SGPP2: variants seen among roughly 807,000 people sequenced by gnomAD.
SGPP2 encodes the protein sphingosine-1-phosphate phosphatase 2, also known as sphingosine 1-phosphate phosphohydrolase 2.
In SGPP2, 30 loss-of-function variants were observed where a neutral mutation model predicts 33.9. The ratio of observed to expected loss-of-function variants is 0.89; its 90% CI spans 0.66 to 1.20. SGPP2 has a LOEUF of 1.20. SGPP2 is among the 50% of genes most tolerant of loss of function. The pLI, the probability that SGPP2 is intolerant of heterozygous loss-of-function variation, is 0.00. For synonymous variants in SGPP2, 233 were observed against 225.0 expected (o/e 1.04, Z -0.32); for missense variants, 458 against 532.1 (o/e 0.86, Z 1.37).
chr2:222,436,315 C>T (rs1337714877), intron 1 of SGPP2, among the ~76,000 whole-genome samples: 3 of 152,142 alleles, frequency 2.0e-5, no homozygotes, highest in Admixed American at 1.3e-4. Flanking sequence ...GCTAGTGAAT[C>T]CCTAGGGGTG....
At position 222,453,173 on chromosome 2, in the gene SGPP2, A is replaced by G. The variant is rs56283015; in HGVS notation, c.220-21395A>G. 675 of 782,498 alleles carry G rather than the reference A, an allele frequency of 8.6e-4. 2 individuals carry two copies. The highest frequency in any genetic ancestry group is 1.6e-3 in the South Asian group (116 of 74,634). 48.5% of individuals were successfully genotyped at this position (782,498 alleles called of 1,614,324 possible). A position where few individuals can be genotyped will look rare whatever the true frequency, so the allele number is the denominator to read the frequency against. On this transcript the variant is annotated intron_variant, in intron 1 of 4. Coordinates refer to ENST00000321276, the MANE Select transcript of SGPP2 (RefSeq NM_152386.4). ...CAGTCGCAGTGTGAGGCATCTCAGC[A>G]GGAGACATTTGCAAGGATGGATAGT...
chr2:222,547,328 T>C (rs1414729733), intron 4 of SGPP2, among the ~76,000 whole-genome samples: 2 of 152,236 alleles, frequency 1.3e-5, no homozygotes, highest in Non-Finnish European at 2.9e-5. Flanking sequence ...TGTTATAACC[T>C]GCCTGGAGGC....
intron 4 of SGPP2, among the ~76,000 whole-genome samples, chr2:222,549,739 C>T: frequency 6.6e-6 from 1 of 151,902 alleles, no homozygotes; most frequent in East Asian, 1.9e-4. Flanking sequence ...TGTAATGATT[C>T]CTTTTTTTTT....
At chr2:222,452,263 T>C (rs1302951000) in intron 1 of SGPP2, 5 of 465,826 alleles carry the variant, frequency 1.1e-5, no homozygotes, top group African/African-American at 2.0e-5. Flanking sequence ...CTCCATCATA[T>C]TGACTGGATA....
At chr2:222,539,078 G>A (rs1698955957) in intron 4 of SGPP2, among the ~76,000 whole-genome samples, 1 of 152,164 alleles carries the variant, frequency 6.6e-6, no homozygotes, top group Non-Finnish European at 1.5e-5. Context: ...TAACTCACAA[G>A]TTCAGAGTCC....
chr2:222,428,039 G>A (rs1697097880), intron 1 of SGPP2, among the ~76,000 whole-genome samples: 1 of 152,202 alleles, frequency 6.6e-6, no homozygotes, highest in Admixed American at 6.5e-5. Context: ...CACAGTCAGG[G>A]GAAGTCAGAT....
intron 2 of SGPP2, among the ~76,000 whole-genome samples, chr2:222,508,095 C>G (rs1447905631): frequency 6.6e-6 from 1 of 152,198 alleles, no homozygotes; most frequent in Admixed American, 6.5e-5. Context: ...GCTTTCTGCA[C>G]TATTCATTGG....
rs1260593835 is a variant in SGPP2, at chr2:222,559,362, T to C, written c.*464T>C. ...CGTTACAACCTTGCCTAGCATGGAG[T>C]TATTTCTAAAATGGGAACTTTGGTC... On this transcript the variant is annotated 3_prime_UTR_variant, in exon 5 of 5. Transcript: ENST00000321276. 6.1e-6 allele frequency: 1 copy of C among 162,668 alleles called. No homozygotes were observed. Among genetic ancestry groups the C allele is most frequent in the Non-Finnish European group, 1.4e-5 (1 of 73,546 alleles). The allele number at this position is 162,668 out of a possible 1,614,324, so 10.1% of individuals were successfully genotyped here.
At chr2:222,535,783 G>A (rs934910857) in intron 4 of SGPP2, among the ~76,000 whole-genome samples, 1 of 152,220 alleles carries the variant, frequency 6.6e-6, no homozygotes, top group Non-Finnish European at 1.5e-5. Context: ...AGGGGAAGTG[G>A]GGACCTCCCT....
At position 222,561,534 on chromosome 2, in the gene SGPP2, TTATA is replaced by T. The variant is rs34056381; in HGVS notation, c.*2650_*2653del. Among the ~76,000 whole-genome samples, 1 of 145,876 alleles carries T rather than the reference TTATA, an allele frequency of 6.9e-6. No homozygotes were observed. Among genetic ancestry groups the T allele is most frequent in the Admixed American group, 6.9e-5 (1 of 14,474 alleles). The stretch of plus-strand genomic sequence containing the variant: ...ATATATATGATATATATATATCATT[TTATA>T]TATATATATATATCATATACATAAT... On this transcript the variant is annotated 3_prime_UTR_variant, in exon 5 of 5. Transcript: ENST00000321276.
chr2:222,473,664 C>A (rs985412315), intron 1 of SGPP2, among the ~76,000 whole-genome samples: 1 of 152,152 alleles, frequency 6.6e-6, no homozygotes, highest in African/African-American at 2.4e-5. Context: ...GTGGCTCACG[C>A]CCGTAATCCC....
chr2:222,480,801 G>A (rs1698016475), intron 2 of SGPP2, among the ~76,000 whole-genome samples: 1 of 152,042 alleles, frequency 6.6e-6, no homozygotes, highest in South Asian at 2.1e-4. Context: ...AAGAAAAATG[G>A]TATTTCCATG....
intron 4 of SGPP2, among the ~76,000 whole-genome samples, chr2:222,541,231 G>A (rs1192422246): frequency 1.3e-5 from 2 of 152,252 alleles, no homozygotes; most frequent in Non-Finnish European, 2.9e-5. Context: ...ACTGTGGCAA[G>A]TGTGGAGTTG....
At chr2:222,526,416 G>A (rs568913207) in intron 4 of SGPP2, among the ~76,000 whole-genome samples, 7 of 152,264 alleles carry the variant, frequency 4.6e-5, no homozygotes, top group South Asian at 4.2e-4. Flanking sequence ...CCCATCCCAC[G>A]TCACACCACA....
chr2:222,542,226 A>T (rs1699008446), intron 4 of SGPP2, among the ~76,000 whole-genome samples: 1 of 152,162 alleles, frequency 6.6e-6, no homozygotes, highest in Admixed American at 6.5e-5. Context: ...GAAATTCACC[A>T]TGTTGCTGTA....
At chr2:222,536,577 G>A (rs1698918622) in intron 4 of SGPP2, among the ~76,000 whole-genome samples, 2 of 152,246 alleles carry the variant, frequency 1.3e-5, no homozygotes, top group South Asian at 4.2e-4. Flanking sequence ...CTACTCGGGA[G>A]GATGAGGCAT....
intron 2 of SGPP2, among the ~76,000 whole-genome samples, chr2:222,517,571 T>C (rs1342725994): frequency 1.3e-5 from 2 of 152,170 alleles, no homozygotes; most frequent in African/African-American, 2.4e-5. Flanking sequence ...TCCTGGACAC[T>C]GGACAAGAAC....
intron 4 of SGPP2, among the ~76,000 whole-genome samples, chr2:222,528,908 T>C (rs539251522): frequency 2.6e-5 from 4 of 152,014 alleles, no homozygotes; most frequent in Non-Finnish European, 4.4e-5. Flanking sequence ...TGAGCCAGCG[T>C]GTCCTGTTTC....
At chr2:222,463,533 C>G (rs570704440) in intron 1 of SGPP2, among the ~76,000 whole-genome samples, 32 of 152,306 alleles carry the variant, frequency 2.1e-4, no homozygotes, top group Middle Eastern at 3.4e-3. Context: ...GACCCTGTCT[C>G]TATTTTTAAA....
Sources: allele counts gnomAD v4.1 joint callset (sites outside exome capture counted in the v4.1 genomes callset), GRCh38; gene constraint gnomAD v4.1.1; transcripts MANE v1.5; gene names NCBI Gene and HGNC (gene_info 2026-07-23, HGNC 2026-07-21).